The following VSTM2L variants were observed in gnomAD, a reference collection of about 807,000 sequenced individuals.
The protein encoded by VSTM2L is V-set and transmembrane domain containing 2 like.
In VSTM2L, 9 loss-of-function variants were observed where a neutral mutation model predicts 19.9. The observed-to-expected ratio is 0.45, with a 90% confidence interval of 0.27 to 0.79. The LOEUF (loss-of-function observed/expected upper bound fraction) is 0.79. Among genes scored for constraint, VSTM2L ranks in the 30% least tolerant of loss-of-function variants. The probability of loss-of-function intolerance (pLI) is 0.15; values close to 1 mark genes in which losing one functional copy is unlikely to be tolerated. For synonymous variants in VSTM2L, 127 were observed against 133.8 expected (o/e 0.95, Z 0.35); for missense variants, 286 against 295.5 (o/e 0.97, Z 0.24).
At chr20:37,924,936 G>A (rs1027338225) in intron 1 of VSTM2L, among the ~76,000 whole-genome samples, 5 of 152,288 alleles carry the variant, frequency 3.3e-5, no homozygotes, top group South Asian at 2.1e-4. Flanking sequence ...TGGCAGACCC[G>A]TGGATCTTGG....
At position 37,931,805 on chromosome 20, in the gene VSTM2L, G is replaced by A; in HGVS notation, c.291+1G>A. Reference sequence around the variant, plus strand: ...CAAGCAGGCGTGGGCCTCGAACCAGGTAATGCCCCTGGGGAGATGCCCAAG... The same window carrying A: ...CAAGCAGGCGTGGGCCTCGAACCAGATAATGCCCCTGGGGAGATGCCCAAG... On this transcript the variant is annotated splice_donor_variant, in intron 2 of 3. Coordinates refer to ENST00000373461, the MANE Select transcript of VSTM2L (RefSeq NM_080607.3). LOFTEE classifies it high-confidence loss of function. 1 of 1,613,314 alleles carries A rather than the reference G, an allele frequency of 6.2e-7. No individual in the cohort carries two copies. Among genetic ancestry groups the A allele is most frequent in the Non-Finnish European group, 8.5e-7 (1 of 1,179,794 alleles).
chr20:37,935,918 G>A (rs2072937180), intron 3 of VSTM2L, among the ~76,000 whole-genome samples: 1 of 142,850 alleles, frequency 7.0e-6, no homozygotes, highest in Admixed American at 7.2e-5. Context: ...GAGTTTCACT[G>A]TTGTCACCCA....
At chr20:37,939,323 C>G (rs969802210) in intron 3 of VSTM2L, among the ~76,000 whole-genome samples, 1 of 151,854 alleles carries the variant, frequency 6.6e-6, no homozygotes, top group Admixed American at 6.6e-5. Flanking sequence ...GGTGCTGAAG[C>G]GGGAGGATTG....
rs1373891874 is a variant in VSTM2L at position 37,944,829 on chromosome 20, C to T, written c.*576C>T. 1 of 985,938 alleles carries T rather than the reference C, an allele frequency of 1.0e-6. No individual in the cohort carries two copies. The highest frequency in any genetic ancestry group is 1.2e-6 in the Non-Finnish European group (1 of 830,154). The allele number at this position is 985,938 out of a possible 1,614,324, so 61.1% of individuals were successfully genotyped here. Reference sequence around the variant, plus strand: ...GGCCTAGGGGAACAGCGAGATGCCCCACCACCTCCTGGCGAGTCCTTCCTG... The same window carrying T: ...GGCCTAGGGGAACAGCGAGATGCCCTACCACCTCCTGGCGAGTCCTTCCTG... On this transcript the variant is annotated 3_prime_UTR_variant, in exon 4 of 4. Transcript: ENST00000373461.
chr20:37,910,337 T>C lies in VSTM2L; in HGVS notation c.121+6866T>C, dbSNP rs990087766. Among the ~76,000 whole-genome samples, 5 of 152,204 alleles carry C rather than the reference T, an allele frequency of 3.3e-5. No individual in the cohort carries two copies. In the East Asian group the frequency reaches 7.7e-4, roughly 23 times the overall value. The stretch of plus-strand genomic sequence containing the variant: ...TCCGTGGGGATCCACAGTGTGGACA[T>C]GACTTGGAGACCCGGGGGCATCCAA... On this transcript the variant is annotated intron_variant, in intron 1 of 3. Transcript: ENST00000373461.
At chr20:37,927,788 C>T (rs1010833703) in intron 1 of VSTM2L, among the ~76,000 whole-genome samples, 1 of 152,116 alleles carries the variant, frequency 6.6e-6, no homozygotes, top group African/African-American at 2.4e-5. Flanking sequence ...AGCGGAGCCT[C>T]CACCCAAGGG....
At chr20:37,914,508 G>A (rs113870190) in intron 1 of VSTM2L, among the ~76,000 whole-genome samples, 8,404 of 79,600 alleles carry the variant, frequency 0.11, 764 homozygotes, top group African/African-American at 0.29. Flanking sequence ...ATGCGTGTGT[G>A]TTGTGTGTGT....
intron 1 of VSTM2L, among the ~76,000 whole-genome samples, chr20:37,917,331 A>G (rs1318485995): frequency 6.6e-6 from 1 of 151,306 alleles, no homozygotes; most frequent in African/African-American, 2.5e-5. Flanking sequence ...GAAAGAAAAA[A>G]AGAAAAAAAA....
intron 3 of VSTM2L, among the ~76,000 whole-genome samples, chr20:37,934,133 G>A (rs2072926370): frequency 6.6e-6 from 1 of 152,214 alleles, no homozygotes. Context: ...AGGAGGTCAG[G>A]GACTTGCCAG....
intron 3 of VSTM2L, among the ~76,000 whole-genome samples, chr20:37,936,127 C>T (rs2012916): frequency 0.13 from 20,233 of 151,368 alleles, 1,488 homozygotes; most frequent in African/African-American, 0.18. Context: ...AACTACTGAC[C>T]TCAGGTGATC....
At chr20:37,909,104 G>A (rs977121998) in intron 1 of VSTM2L, among the ~76,000 whole-genome samples, 1 of 152,186 alleles carries the variant, frequency 6.6e-6, no homozygotes, top group East Asian at 1.9e-4. Flanking sequence ...TCACACAGAG[G>A]GGAAGAGCAG....
chr20:37,934,785 G>A (rs1423317201), intron 3 of VSTM2L, among the ~76,000 whole-genome samples: 1 of 152,166 alleles, frequency 6.6e-6, no homozygotes, highest in Non-Finnish European at 1.5e-5. Flanking sequence ...CCAGGGAGGA[G>A]GCTTCTGCAG....
At chr20:37,918,839 C>T (rs1267875276) in intron 1 of VSTM2L, among the ~76,000 whole-genome samples, 3 of 152,286 alleles carry the variant, frequency 2.0e-5, no homozygotes, top group East Asian at 3.9e-4. Flanking sequence ...CAGGCAGACA[C>T]GAGCCTATCT....
In VSTM2L at chr20:37,945,134, T is replaced by C. The variant is rs1051296633; in HGVS notation, c.*881T>C. On this transcript the variant is annotated 3_prime_UTR_variant, in exon 4 of 4. Transcript: ENST00000373461. Reference sequence around the variant, plus strand: ...CCCCTGGTACTCAGTTCCCTCACGATTCCCGATCACGGGCACACCTGCCCC... The same window carrying C: ...CCCCTGGTACTCAGTTCCCTCACGACTCCCGATCACGGGCACACCTGCCCC... 1.0e-6 allele frequency: 1 copy of C among 985,588 alleles called. No individual in the cohort carries two copies. The highest frequency in any genetic ancestry group is 1.2e-6 in the Non-Finnish European group (1 of 829,932). The allele number at this position is 985,588 out of a possible 1,614,324, so 61.1% of individuals were successfully genotyped here. A position where few individuals can be genotyped will look rare whatever the true frequency, so the allele number is the denominator to read the frequency against.
At position 37,944,021 on chromosome 20, in the gene VSTM2L, G is replaced by T; in HGVS notation, c.383G>T (p.Arg128Leu). ...VVGSNISHKL[R>L]LSRVKPTDEG... ...GGCAGCAACATCTCCCACAAGCTGC[G>T]CCTGTCCCGGGTGAAGCCCACGGAC... is the stretch of plus-strand genomic sequence containing the variant. Residue 128 changes from arginine (R) to leucine (L), a missense_variant, in exon 4 of 4, where the codon CGC becomes CTC. Physicochemically the swap from Arg to Leu is moderately radical, Grantham distance 102. Transcript: ENST00000373461. The T allele has an allele frequency of 1.9e-6, 3 of 1,601,694 alleles. No individual in the cohort carries two copies. Among genetic ancestry groups the T allele is most frequent in the Non-Finnish European group, 2.6e-6 (3 of 1,172,024 alleles).
intron 3 of VSTM2L, among the ~76,000 whole-genome samples, chr20:37,936,792 T>C (rs2072943228): frequency 1.3e-5 from 2 of 152,184 alleles, no homozygotes; most frequent in Non-Finnish European, 2.9e-5. Context: ...TGAAAACGCT[T>C]TGGAAACTGT....
At chr20:37,935,589 G>A (rs957172445) in intron 3 of VSTM2L, among the ~76,000 whole-genome samples, 14 of 152,064 alleles carry the variant, frequency 9.2e-5, no homozygotes, top group African/African-American at 2.4e-4. Context: ...CTCTTCCCAC[G>A]GAGCTCAGCT....
intron 3 of VSTM2L, among the ~76,000 whole-genome samples, chr20:37,943,531 A>T (rs988301747): frequency 6.7e-6 from 1 of 149,786 alleles, no homozygotes; most frequent in Non-Finnish European, 1.5e-5. Context: ...GTTCTGCCCT[A>T]GGGTCTACCA....
In VSTM2L at chr20:37,939,143, G is replaced by A. The variant is rs182387582; in HGVS notation, c.343-4838G>A. Among the ~76,000 whole-genome samples, 148 of 152,256 alleles carry A rather than the reference G, an allele frequency of 9.7e-4. 1 individual carries two copies. The highest frequency in any genetic ancestry group is 3.1e-3 in the African/African-American group (130 of 41,556). ...AGCTTGGCTGGGCGCGGTGGCTCAC[G>A]CTTAGAATCCCAGCACTTTGGGAGG... On this transcript the variant is annotated intron_variant, in intron 3 of 3. Coordinates refer to ENST00000373461, the MANE Select transcript of VSTM2L (RefSeq NM_080607.3).
Sources: gnomAD v4.1 joint callset for allele counts (sites outside exome capture counted in the v4.1 genomes callset) on GRCh38, gnomAD v4.1.1 for gene constraint, MANE v1.5 for transcripts, NCBI Gene and HGNC (gene_info 2026-07-23, HGNC 2026-07-21) for gene names.